Variants in ADAMTS17 observed in about 807,000 individuals in gnomAD.
ADAMTS17 encodes the protein A disintegrin and metalloproteinase with thrombospondin motifs 17.
ADAMTS17 carries 113 observed loss-of-function variants against 141.5 expected under a neutral mutation model. The ratio of observed to expected loss-of-function variants is 0.80; its 90% CI spans 0.69 to 0.93. The LOEUF is 0.93. Among genes scored for constraint, ADAMTS17 ranks in the 40% least tolerant of loss-of-function variants. ADAMTS17 has a pLI of 0.00. For synonymous variants in ADAMTS17, 768 were observed against 630.6 expected, an observed-to-expected ratio of 1.22 and a Z score of -3.27; for missense variants, 1,659 against 1,517.9, an observed-to-expected ratio of 1.09 and a Z score of -1.54.
chr15:100,237,054 A>G (rs2042679665), intron 7 of ADAMTS17, among the ~76,000 whole-genome samples: 1 of 152,096 alleles, frequency 6.6e-6, no homozygotes, highest in South Asian at 2.1e-4. Context: ...CTGCAAGCCA[A>G]ATTCCTCAGG....
chr15:100,261,401 A>G, intron 6 of ADAMTS17, 78 bp downstream of exon 6: 1 of 1,602,282 alleles, frequency 6.2e-7, no homozygotes, highest in Middle Eastern at 2.2e-4. Context: ...TGAGTTCTTA[A>G]CAACATGCCT....
At chr15:100,092,296 C>T (rs955171542) in intron 15 of ADAMTS17, among the ~76,000 whole-genome samples, 11 of 152,222 alleles carry the variant, frequency 7.2e-5, no homozygotes, top group African/African-American at 2.4e-4. Context: ...TTAATGGCCT[C>T]TGAGTTTATC....
chr15:100,273,504 C>T (rs2043982310), intron 4 of ADAMTS17, among the ~76,000 whole-genome samples: 2 of 152,108 alleles, frequency 1.3e-5, no homozygotes, highest in Non-Finnish European at 2.9e-5. Context: ...ATAGTACTCT[C>T]TTATAATCCT....
chr15:100,202,466 A>G (rs2041372335), intron 7 of ADAMTS17, among the ~76,000 whole-genome samples: 1 of 152,368 alleles, frequency 6.6e-6, no homozygotes, highest in African/African-American at 2.4e-5. Context: ...ACAGCTCCTG[A>G]TAACAGAGCA....
At chr15:100,071,804 G>A (rs1000916343) in intron 15 of ADAMTS17, among the ~76,000 whole-genome samples, 7 of 150,244 alleles carry the variant, frequency 4.7e-5, no homozygotes, top group South Asian at 2.1e-4. Flanking sequence ...ATATCATACC[G>A]AATGGGCAAA....
rs528873372 is a variant in ADAMTS17 at position 99,997,983 on chromosome 15, G to C, written c.2592-394C>G. The stretch of plus-strand genomic sequence containing the variant: ...GAATGTGGTTATGTGGTTTGGCTCT[G>C]ATTCTCTTTACTTCTTACCCTCTGC... On this transcript the variant is annotated intron_variant, in intron 18 of 21. Coordinates refer to ENST00000268070, the MANE Select transcript of ADAMTS17 (RefSeq NM_139057.4). The surrounding 1 kb of genome is among the most constrained non-coding windows in gnomAD (Gnocchi z 4.7). Among the ~76,000 whole-genome samples the C allele has an allele frequency of 2.0e-5, 3 of 152,326 alleles. No homozygotes were observed. The highest frequency in any genetic ancestry group is 2.0e-4 in the Admixed American group (3 of 15,296).
At chr15:100,318,031 T>C (rs904436149) in intron 3 of ADAMTS17, among the ~76,000 whole-genome samples, 9 of 151,948 alleles carry the variant, frequency 5.9e-5, no homozygotes, top group African/African-American at 7.3e-5. Flanking sequence ...AGTCCTGCCA[T>C]TACAAAGCCC....
At chr15:100,035,254 G>T (rs2030592708) in intron 18 of ADAMTS17, among the ~76,000 whole-genome samples, 1 of 152,236 alleles carries the variant, frequency 6.6e-6, no homozygotes, top group South Asian at 2.1e-4. Context: ...TATGAATCCA[G>T]CCTATGTGAG....
chr15:100,263,697 T>C (rs2043609928), intron 4 of ADAMTS17, among the ~76,000 whole-genome samples: 1 of 152,138 alleles, frequency 6.6e-6, no homozygotes, highest in African/African-American at 2.4e-5. Flanking sequence ...GCGGAGAGCA[T>C]AGTAAAGGTA....
intron 7 of ADAMTS17, among the ~76,000 whole-genome samples, chr15:100,203,099 C>G (rs961506507): frequency 1.3e-5 from 2 of 152,188 alleles, no homozygotes; most frequent in African/African-American, 4.8e-5. Flanking sequence ...TCTGAACACT[C>G]GACCCTCCCT....
chr15:100,185,066 G>A (rs1483290597), intron 8 of ADAMTS17, among the ~76,000 whole-genome samples: 1 of 152,202 alleles, frequency 6.6e-6, no homozygotes, highest in African/African-American at 2.4e-5. Context: ...TGCAATGAAA[G>A]CAATCTGAAA....
At chr15:100,149,914 C>G (rs576924924) in intron 10 of ADAMTS17, among the ~76,000 whole-genome samples, 3 of 152,342 alleles carry the variant, frequency 2.0e-5, no homozygotes, top group Admixed American at 6.5e-5. Flanking sequence ...TCAGATTCCT[C>G]TAAAGAAAGT....
intron 3 of ADAMTS17, among the ~76,000 whole-genome samples, chr15:100,325,709 C>T (rs548810787): frequency 4.6e-5 from 7 of 152,308 alleles, no homozygotes; most frequent in East Asian, 1.9e-4. Context: ...CCATGTGACA[C>T]GCTGGCTCCC....
At chr15:100,264,564 T>G (rs1229891094) in intron 4 of ADAMTS17, among the ~76,000 whole-genome samples, 1 of 152,200 alleles carries the variant, frequency 6.6e-6, no homozygotes, top group Non-Finnish European at 1.5e-5. Context: ...CAATCCTCAG[T>G]CATATTCTGA....
At position 100,116,835 on chromosome 15, in the gene ADAMTS17, A is replaced by T. The variant is rs778230464; in HGVS notation, c.1888+12T>A. The stretch of plus-strand genomic sequence containing the variant: ...GGAGGCTGCCATGCAAGGACATGCC[A>T]TATGCCTTTACCGTCAACCACCACG... On this transcript the variant is annotated intron_variant, in intron 13 of 21. Coordinates refer to ENST00000268070, the MANE Select transcript of ADAMTS17 (RefSeq NM_139057.4). The T allele has an allele frequency of 6.2e-7, 1 of 1,614,086 alleles. No homozygotes were observed. Among genetic ancestry groups the T allele is most frequent in the Non-Finnish European group, 8.5e-7 (1 of 1,180,038 alleles).
rs557042508 is a variant in ADAMTS17 at position 100,031,081 on chromosome 15, TG to T, written c.2591+17775del. 3.3e-5 allele frequency among the ~76,000 whole-genome samples: 5 copies of T among 152,348 alleles called. No homozygotes were observed. The South Asian group carries it at 1.0e-3, about 32-fold the overall frequency. The stretch of plus-strand genomic sequence containing the variant: ...ATCTCCTCAAGACTTCTATGACAGA[TG>T]TTCTCATTTCCCATGTTTACAGATG... On this transcript the variant is annotated intron_variant, in intron 18 of 21. Coordinates refer to ENST00000268070, the MANE Select transcript of ADAMTS17 (RefSeq NM_139057.4).
At chr15:100,020,050 G>C (rs1827855329) in intron 18 of ADAMTS17, among the ~76,000 whole-genome samples, 1 of 151,832 alleles carries the variant, frequency 6.6e-6, no homozygotes, top group Non-Finnish European at 1.5e-5. Flanking sequence ...TCCCAGGACA[G>C]CAGCCGGAAT....
At chr15:100,045,769 A>G (rs1434783971) in intron 18 of ADAMTS17, among the ~76,000 whole-genome samples, 2 of 152,198 alleles carry the variant, frequency 1.3e-5, no homozygotes, top group African/African-American at 2.4e-5. Context: ...TCTCAATGCA[A>G]CTAGGGCCTT....
chr15:100,119,493 T>C (rs1159365351), intron 12 of ADAMTS17, among the ~76,000 whole-genome samples: 1 of 152,236 alleles, frequency 6.6e-6, no homozygotes, highest in Non-Finnish European at 1.5e-5. Flanking sequence ...CATCATGTGA[T>C]TAACTTCCTG....
Sources: allele counts gnomAD v4.1 joint callset (sites outside exome capture counted in the v4.1 genomes callset), GRCh38; gene constraint gnomAD v4.1.1; non-coding constraint Gnocchi (gnomAD v3.1); transcripts MANE v1.5; gene names NCBI Gene and HGNC (gene_info 2026-07-23, HGNC 2026-07-21).